VTI1B: variants seen among roughly 807,000 people sequenced by gnomAD.
VTI1B encodes vesicle transport through interaction with t-SNAREs homolog 1B.
Under a neutral mutation model 28.6 loss-of-function variants are expected in VTI1B, and 18 were observed. The observed-to-expected ratio is 0.63, with a 90% confidence interval of 0.43 to 0.93. The LOEUF (loss-of-function observed/expected upper bound fraction) is 0.93, where lower values mean the gene tolerates loss of function less well. Among genes scored for constraint, VTI1B ranks in the 40% least tolerant of loss-of-function variants. The pLI, the probability that VTI1B is intolerant of heterozygous loss-of-function variation, is 0.00. For synonymous variants in VTI1B, 100 were observed against 107.9 expected, an observed-to-expected ratio of 0.93 and a Z score of 0.46; for missense variants, 283 against 297.0, an observed-to-expected ratio of 0.95 and a Z score of 0.35.
At chr14:67,657,477 CTG>C (rs1315721908) in intron 3 of VTI1B, among the ~76,000 whole-genome samples, 1 of 152,184 alleles carries the variant, frequency 6.6e-6, no homozygotes, top group Non-Finnish European at 1.5e-5. Flanking sequence ...TTTACTCCAC[CTG>C]TAATCCTAAA....
intron 1 of VTI1B, among the ~76,000 whole-genome samples, chr14:67,670,024 A>G (rs1162716377): frequency 1.3e-5 from 2 of 152,172 alleles, no homozygotes; most frequent in Non-Finnish European, 2.9e-5. Context: ...GAGCCCGGGA[A>G]GCCAAGGCTG....
intron 1 of VTI1B, among the ~76,000 whole-genome samples, chr14:67,665,542 C>T (rs1240857200): frequency 6.6e-6 from 1 of 152,106 alleles, no homozygotes; most frequent in Non-Finnish European, 1.5e-5. Flanking sequence ...GTTGGGACTA[C>T]AGGTGTGAGC....
intron 1 of VTI1B, chr14:67,663,215 T>C: frequency 6.8e-7 from 1 of 1,472,088 alleles, no homozygotes. Flanking sequence ...AGAACAGGCT[T>C]CAGCTTCAAA....
intron 2 of VTI1B, among the ~76,000 whole-genome samples, chr14:67,660,583 C>T (rs369623623): frequency 6.6e-6 from 1 of 152,180 alleles, no homozygotes; most frequent in Non-Finnish European, 1.5e-5. Context: ...TTCTTCCCTT[C>T]TCCTGCTCCT....
intron 2 of VTI1B, among the ~76,000 whole-genome samples, chr14:67,661,529 CTTTTT>C (rs35440818): frequency 3.6e-5 from 4 of 110,068 alleles, no homozygotes; most frequent in South Asian, 2.9e-4. Context: ...GAACAGTAAC[CTTTTT>C]TTTTTTTTTT....
rs1429976221 is a variant in VTI1B, at chr14:67,653,111, A to C, written c.602+326T>G. On this transcript the variant is annotated intron_variant, in intron 5 of 5. Coordinates refer to ENST00000554659, the MANE Select transcript of VTI1B (RefSeq NM_006370.3). ...GCTGAGATTATATAAATATATTTCA[A>C]GGAATAGGAAGCTGTTATTCCCATG... is the stretch of plus-strand genomic sequence containing the variant. Among the ~76,000 whole-genome samples the C allele has an allele frequency of 5.3e-5, 8 of 152,340 alleles. 1 individual carries two copies. In the South Asian group the frequency reaches 1.7e-3, roughly 32 times the overall value.
At position 67,674,498 on chromosome 14, in the gene VTI1B, CCGCGCTG is replaced by C; in HGVS notation, c.-16_-10del. On this transcript the variant is annotated 5_prime_UTR_variant, in exon 1 of 6. Coordinates refer to ENST00000554659, the MANE Select transcript of VTI1B (RefSeq NM_006370.3). Reference sequence around the variant, plus strand: ...GCGGCGGAGGAGGCCATGGCGCAGGCCGCGCTGGAGCAGCGGCCACCGAGATTCGGGG... The same window carrying C: ...GCGGCGGAGGAGGCCATGGCGCAGGCGAGCAGCGGCCACCGAGATTCGGGG... The C allele has an allele frequency of 1.3e-6, 2 of 1,590,948 alleles. No homozygotes were observed. The highest frequency in any genetic ancestry group is 1.8e-5 in the Admixed American group (1 of 57,008).
At chr14:67,659,606 G>T in intron 3 of VTI1B, 125 bp downstream of exon 3, 1 of 974,046 alleles carries the variant, frequency 1.0e-6, no homozygotes, top group Non-Finnish European at 1.4e-6. Flanking sequence ...AGAGGATAAG[G>T]GTGAAAAAAA....
rs771272297 is a variant in VTI1B at position 67,662,447 on chromosome 14, G to A, written c.174+30C>T. ...TTCTGGAAAAGACCAACACCAGGTA[G>A]AAGAAACAAAATTTGTTCCTTGTTC... On this transcript the variant is annotated intron_variant, in intron 2 of 5. Transcript: ENST00000554659. The A allele has an allele frequency of 2.5e-6, 4 of 1,602,402 alleles. No homozygotes were observed. In the South Asian group the frequency reaches 3.3e-5, roughly 13 times the overall value.
intron 1 of VTI1B, among the ~76,000 whole-genome samples, chr14:67,669,479 C>T (rs2037440982): frequency 6.6e-6 from 1 of 151,268 alleles, no homozygotes; most frequent in African/African-American, 2.4e-5. Flanking sequence ...GTTGCCAAGG[C>T]TGGTCTCCAA....
At chr14:67,664,404 G>A (rs2037375630) in intron 1 of VTI1B, among the ~76,000 whole-genome samples, 1 of 152,090 alleles carries the variant, frequency 6.6e-6, no homozygotes, top group Non-Finnish European at 1.5e-5. Context: ...CATCTATGCT[G>A]TTGCACGTAT....
At chr14:67,663,133 T>C in intron 1 of VTI1B, 1 of 1,528,872 alleles carries the variant, frequency 6.5e-7, no homozygotes. Context: ...TTTCAGCCTT[T>C]CCCATTCTGT....
In VTI1B at chr14:67,647,900, G is replaced by A; in HGVS notation, c.*3485C>T. On this transcript the variant is annotated 3_prime_UTR_variant, in exon 6 of 6. Coordinates refer to ENST00000554659, the MANE Select transcript of VTI1B (RefSeq NM_006370.3). ...TCTCAGTAACTTCCAAGAATAGGAA[G>A]CCTGGAAATGTATTAACAGCTTTAT... The A allele has an allele frequency of 2.6e-6, 2 of 767,964 alleles. No homozygotes were observed. The highest frequency in any genetic ancestry group is 2.7e-5 in the East Asian group (1 of 36,822). 47.6% of individuals were successfully genotyped at this position (767,964 alleles called of 1,614,324 possible). A position where few individuals can be genotyped will look rare whatever the true frequency, so the allele number is the denominator to read the frequency against.
At chr14:67,656,706 CT>C in intron 3 of VTI1B, 117 bp from the exon 4 acceptor site, 1 of 1,160,222 alleles carries the variant, frequency 8.6e-7, no homozygotes, top group Non-Finnish European at 1.2e-6. Flanking sequence ...ATTTTCATTC[CT>C]TTTAAGACAG....
intron 1 of VTI1B, among the ~76,000 whole-genome samples, chr14:67,672,595 AC>A (rs1371533253): frequency 6.6e-6 from 1 of 151,300 alleles, no homozygotes; most frequent in Non-Finnish European, 1.5e-5. Context: ...GGCAACTGAC[AC>A]CATGCCCGGC....
chr14:67,674,264 A>AGGACGCGGAGGGAGG lies in VTI1B; in HGVS notation c.115+96_115+110dup, dbSNP rs2037504921. 3.0e-6 allele frequency: 3 copies of AGGACGCGGAGGGAGG among 1,015,074 alleles called. No individual in the cohort carries two copies. The Admixed American group carries it at 9.2e-5, about 31-fold the overall frequency. The allele number at this position is 1,015,074 out of a possible 1,614,324, so 62.9% of individuals were successfully genotyped here. On this transcript the variant is annotated intron_variant, in intron 1 of 5. Coordinates refer to ENST00000554659, the MANE Select transcript of VTI1B (RefSeq NM_006370.3). ...AAGCCAGCCCTAGGGGGCGTGTCTG[A>AGGACGCGGAGGGAGG]GGACGCGGAGGGAGGAGACGCGGGC...
rs2140830199 is a variant in VTI1B, at chr14:67,662,515, T to G, written c.136A>C (p.Arg46=). 1 of 1,611,740 alleles carries G rather than the reference T, an allele frequency of 6.2e-7. No homozygotes were observed. The change falls in exon 2 of 6, where the codon AGG becomes CGG. Residue 46 remains arginine, a synonymous_variant. Coordinates refer to ENST00000554659, the MANE Select transcript of VTI1B (RefSeq NM_006370.3). ...TCCTGTTGCTTTTCATCAAAATCCC[T>G]GATCAATTTCTTCTTTTCTTCTAGA... ...AGTEEKKKLI[R]DFDEKQQEAN...
At chr14:67,671,647 T>C (rs1036642488) in intron 1 of VTI1B, among the ~76,000 whole-genome samples, 15 of 152,246 alleles carry the variant, frequency 9.9e-5, no homozygotes, top group African/African-American at 2.9e-4. Flanking sequence ...CTTAGCTTTA[T>C]GTTGCTATAA....
chr14:67,662,620 C>T, intron 1 of VTI1B, 85 bp from the exon 2 acceptor site: 1 of 1,243,418 alleles, frequency 8.0e-7, no homozygotes, highest in Non-Finnish European at 1.1e-6. Flanking sequence ...AATAAGCTTC[C>T]TATGGCAGGG....
Sources: allele counts gnomAD v4.1 joint callset (sites outside exome capture counted in the v4.1 genomes callset), GRCh38; gene constraint gnomAD v4.1.1; transcripts MANE v1.5; gene names NCBI Gene and HGNC (gene_info 2026-07-23, HGNC 2026-07-21).